The following IGF1 variants were observed in gnomAD, a reference collection of about 807,000 sequenced individuals.
The protein encoded by IGF1 is insulin-like growth factor 1.
IGF1 carries 4 observed loss-of-function variants against 13.8 expected under a neutral mutation model. That is an observed-to-expected ratio of 0.29 (90% CI 0.14 to 0.66). The LOEUF (loss-of-function observed/expected upper bound fraction) is 0.66, where lower values mean the gene tolerates loss of function less well. Among genes scored for constraint, IGF1 ranks in the 30% least tolerant of loss-of-function variants. The probability of loss-of-function intolerance (pLI) is 0.78; values close to 1 mark genes in which losing one functional copy is unlikely to be tolerated. For synonymous variants in IGF1, 76 were observed against 72.6 expected, an observed-to-expected ratio of 1.05 and a Z score of -0.23; for missense variants, 124 against 188.5, an observed-to-expected ratio of 0.66 and a Z score of 2.00.
chr12:102,402,576 A>C lies in IGF1; in HGVS notation c.403-10T>G, dbSNP rs1457775425. The C allele has an allele frequency of 1.3e-6, 1 of 780,516 alleles. No homozygotes were observed. The highest frequency in any genetic ancestry group is 2.4e-6 in the Non-Finnish European group (1 of 417,840). 48.3% of individuals were successfully genotyped at this position (780,516 alleles called of 1,614,324 possible). Reference sequence around the variant, plus strand: ...TCTTCAAATGTACTTCCTATAAATAAAGGAGAAAAAGTGACATTAACTTGA... The same window carrying C: ...TCTTCAAATGTACTTCCTATAAATACAGGAGAAAAAGTGACATTAACTTGA... On this transcript the variant is annotated splice_polypyrimidine_tract_variant and intron_variant, in intron 3 of 3. Transcript: ENST00000337514.
At chr12:102,470,906 C>T (rs1035296259) in intron 2 of IGF1, among the ~76,000 whole-genome samples, 5 of 152,186 alleles carry the variant, frequency 3.3e-5, no homozygotes, top group African/African-American at 1.2e-4. Context: ...TAAAAATGTA[C>T]ATACTCACTT....
intron 2 of IGF1, among the ~76,000 whole-genome samples, chr12:102,448,526 C>G (rs1333595584): frequency 9.3e-6 from 1 of 107,886 alleles, no homozygotes; most frequent in Non-Finnish European, 1.7e-5. Flanking sequence ...ATATCACACT[C>G]TGGGGACTGT....
At chr12:102,450,300 G>A (rs956889809) in intron 2 of IGF1, among the ~76,000 whole-genome samples, 1 of 152,224 alleles carries the variant, frequency 6.6e-6, no homozygotes, top group African/African-American at 2.4e-5. Context: ...CCATGACAAA[G>A]AGTAAGAGAG....
chr12:102,404,836 C>A (rs1272537651), intron 3 of IGF1, among the ~76,000 whole-genome samples: 1 of 150,480 alleles, frequency 6.6e-6, no homozygotes, highest in Non-Finnish European at 1.5e-5. Context: ...CAGCTCACTG[C>A]AACCTCTGCC....
At chr12:102,473,378 A>G (rs984102974) in intron 2 of IGF1, among the ~76,000 whole-genome samples, 3 of 152,206 alleles carry the variant, frequency 2.0e-5, no homozygotes, top group Non-Finnish European at 4.4e-5. Context: ...CTTACACATA[A>G]CAGATGCTCC....
intron 2 of IGF1, among the ~76,000 whole-genome samples, chr12:102,442,009 G>A (rs1042685596): frequency 6.7e-6 from 1 of 148,208 alleles, no homozygotes; most frequent in Non-Finnish European, 1.5e-5. Context: ...GAGTGCAGTG[G>A]TGCAATTGTG....
chr12:102,462,221 A>G (rs900898691), intron 2 of IGF1, among the ~76,000 whole-genome samples: 1 of 152,262 alleles, frequency 6.6e-6, no homozygotes, highest in Non-Finnish European at 1.5e-5. Flanking sequence ...AACAAGAGAT[A>G]CAAGAGATTG....
intron 2 of IGF1, among the ~76,000 whole-genome samples, chr12:102,447,002 C>T (rs1592793731): frequency 6.6e-6 from 1 of 152,140 alleles, no homozygotes; most frequent in South Asian, 2.1e-4. Flanking sequence ...CATTCAGGAG[C>T]AGGTTGTTCA....
intron 3 of IGF1, among the ~76,000 whole-genome samples, chr12:102,412,684 G>T (rs1874750609): frequency 6.6e-6 from 1 of 152,072 alleles, no homozygotes; most frequent in South Asian, 2.1e-4. Flanking sequence ...CTAACAATAG[G>T]CAATGAAAGT....
chr12:102,415,207 A>G (rs1002598507), intron 3 of IGF1, among the ~76,000 whole-genome samples: 1 of 152,010 alleles, frequency 6.6e-6, no homozygotes, highest in Non-Finnish European at 1.5e-5. Context: ...GTGTCTTTCT[A>G]CCACTATTCA....
chr12:102,480,342 A>G lies in IGF1; in HGVS notation c.40T>C (p.Cys14Arg). The G allele has an allele frequency of 1.2e-6, 2 of 1,613,672 alleles. No individual in the cohort carries two copies. The highest frequency in any genetic ancestry group is 2.2e-5 in the East Asian group (1 of 44,862). Residue 14 changes from cysteine (C) to arginine (R), a missense_variant, in exon 1 of 4, where the codon TGC becomes CGC. Cys to Arg is a radical substitution (Grantham distance 180, BLOSUM62 -3). Transcript: ENST00000337514. ...ISSLPTQLFK[C>R]CFCDFLKVKM... Reference sequence around the variant, plus strand: ...ACCTTCAAGAAATCACAAAAGCAGCACTTAAATAATTGGGTTGGAAGACTG... The same window carrying G: ...ACCTTCAAGAAATCACAAAAGCAGCGCTTAAATAATTGGGTTGGAAGACTG...
chr12:102,441,906 G>GCTGCTGCTGCTT lies in IGF1; in HGVS notation c.221-22217_221-22216insAAGCAGCAGCAG. Among the ~76,000 whole-genome samples, 707 of 100,318 alleles carry GCTGCTGCTGCTT rather than the reference G, an allele frequency of 7.0e-3. 71 individuals are homozygous for GCTGCTGCTGCTT. Among genetic ancestry groups the GCTGCTGCTGCTT allele is most frequent in the African/African-American group, 0.012 (311 of 25,458 alleles). 65.8% of individuals were successfully genotyped at this position (100,318 alleles called of 152,430 possible). A position where few individuals can be genotyped will look rare whatever the true frequency, so the allele number is the denominator to read the frequency against. On this transcript the variant is annotated intron_variant, in intron 2 of 3. Coordinates refer to ENST00000337514, the MANE Select transcript of IGF1 (RefSeq NM_000618.5). ...GAGCACTAAGTCATTCTATTACACTGCTTCTTCTCCTTCTTCTTCTTCTTC... is the reference window on the plus strand; with the variant it reads ...GAGCACTAAGTCATTCTATTACACTGCTGCTGCTGCTTCTTCTTCTCCTTCTTCTTCTTCTTC...
chr12:102,481,374 TG>T (rs1224491640), upstream of IGF1, among the ~76,000 whole-genome samples: 1 of 151,406 alleles, frequency 6.6e-6, no homozygotes, highest in East Asian at 1.9e-4. Flanking sequence ...TGTGTGTGTG[TG>T]TGTGTGTGTG....
chr12:102,407,149 A>AGCT (rs1874240605), intron 3 of IGF1, among the ~76,000 whole-genome samples: 6 of 149,060 alleles, frequency 4.0e-5, no homozygotes, highest in Admixed American at 4.0e-4. Flanking sequence ...ACTGAGGACT[A>AGCT]ATAACAACGG....
intron 2 of IGF1, among the ~76,000 whole-genome samples, chr12:102,446,408 A>T (rs1878332317): frequency 6.6e-6 from 1 of 151,918 alleles, no homozygotes; most frequent in Non-Finnish European, 1.5e-5. Flanking sequence ...AGAACTTGTT[A>T]TTGGTCTATT....
chr12:102,417,670 A>C (rs778749158), intron 3 of IGF1: 3 of 1,436,938 alleles, frequency 2.1e-6, no homozygotes, highest in Non-Finnish European at 1.8e-6. Context: ...AGATTCTCTA[A>C]AAGGTTACTT....
chr12:102,463,301 A>G (rs1172153759), intron 2 of IGF1: 1 of 152,224 alleles, frequency 6.6e-6, no homozygotes, highest in Non-Finnish European at 1.5e-5. Flanking sequence ...CTTTAATGGA[A>G]AGAAACATAA....
At chr12:102,444,486 GCAGT>G (rs1279061259) in intron 2 of IGF1, among the ~76,000 whole-genome samples, 9 of 151,992 alleles carry the variant, frequency 5.9e-5, no homozygotes, top group Non-Finnish European at 1.2e-4. Context: ...CCCTCCATGA[GCAGT>G]CAGTCATTGA....
intron 2 of IGF1, among the ~76,000 whole-genome samples, chr12:102,434,100 G>T (rs2137061020): frequency 6.7e-6 from 1 of 149,968 alleles, no homozygotes; most frequent in East Asian, 2.0e-4. Flanking sequence ...GATTTCACTT[G>T]TTTCATCATT....
Sources: allele counts gnomAD v4.1 joint callset (sites outside exome capture counted in the v4.1 genomes callset), GRCh38; gene constraint gnomAD v4.1.1; transcripts MANE v1.5; gene names NCBI Gene and HGNC (gene_info 2026-07-23, HGNC 2026-07-21).